ATP2C2: variants seen among roughly 807,000 people sequenced by gnomAD.
ATP2C2 encodes calcium-transporting ATPase type 2C member 2.
Under a neutral mutation model 110.8 loss-of-function variants are expected in ATP2C2, and 171 were observed. The ratio of observed to expected loss-of-function variants is 1.54; its 90% CI spans 1.36 to 1.75. The LOEUF is 1.75. Ranked by LOEUF, ATP2C2 falls within the 40% of genes most tolerant of loss-of-function variation. The pLI, the probability that ATP2C2 is intolerant of heterozygous loss-of-function variation, is 0.00. For missense variants in ATP2C2, 1,963 were observed against 1,235.0 expected (o/e 1.59, Z -8.84); for synonymous variants, 804 against 508.4 (o/e 1.58, Z -7.82).
intron 1 of ATP2C2, among the ~76,000 whole-genome samples, chr16:84,394,024 AAT>A (rs1273941864): frequency 6.6e-6 from 1 of 150,762 alleles, no homozygotes; most frequent in Non-Finnish European, 1.5e-5. Context: ...AAAAATAAAA[AAT>A]AAAAAGGCCT....
chr16:84,460,996 C>G, intron 24 of ATP2C2, 195 bp downstream of exon 24: 1 of 752,224 alleles, frequency 1.3e-6, no homozygotes, highest in East Asian at 2.9e-5. Flanking sequence ...GAAGGGAGGT[C>G]GCCAGGTGTG....
intron 17 of ATP2C2, among the ~76,000 whole-genome samples, chr16:84,449,102 GCTGAA>G (rs67419303): frequency 0.23 from 35,011 of 151,966 alleles, 4,286 homozygotes; most frequent in African/African-American, 0.32. Flanking sequence ...TCCCTGATGG[GCTGAA>G]CTGAACATTA....
intron 21 of ATP2C2, among the ~76,000 whole-genome samples, chr16:84,458,698 ATCCC>A (rs1910935906): frequency 6.6e-6 from 1 of 152,278 alleles, no homozygotes; most frequent in South Asian, 2.1e-4. Context: ...CAGCCTCCCC[ATCCC>A]TCCCTCCTTA....
intron 15 of ATP2C2, among the ~76,000 whole-genome samples, chr16:84,443,208 A>T (rs547787789): frequency 6.6e-6 from 1 of 152,186 alleles, no homozygotes; most frequent in African/African-American, 2.4e-5. Flanking sequence ...AGAAGAGAGG[A>T]CAAAGGACAT....
chr16:84,419,294 C>G (rs907528688), intron 7 of ATP2C2, among the ~76,000 whole-genome samples: 2 of 150,440 alleles, frequency 1.3e-5, no homozygotes, highest in Non-Finnish European at 3.0e-5. Flanking sequence ...GTTTCCTGGC[C>G]TTTCCCAGCT....
At chr16:84,432,695 A>G (rs943922477) in intron 11 of ATP2C2, among the ~76,000 whole-genome samples, 1 of 152,006 alleles carries the variant, frequency 6.6e-6, no homozygotes, top group East Asian at 1.9e-4. Context: ...TAATTTTTGT[A>G]TTTTTAATAG....
chr16:84,426,449 A>C (rs1470486049), intron 11 of ATP2C2, among the ~76,000 whole-genome samples: 1 of 151,596 alleles, frequency 6.6e-6, no homozygotes, highest in African/African-American at 2.4e-5. Flanking sequence ...CTTTCTTGTC[A>C]CTCTTTGCCT....
At chr16:84,441,376 T>A (rs767760053) in intron 14 of ATP2C2, among the ~76,000 whole-genome samples, 1 of 152,200 alleles carries the variant, frequency 6.6e-6, no homozygotes, top group East Asian at 1.9e-4. Context: ...ACGTGCCCGA[T>A]GAATGGTAAA....
Position 84,446,456 on chromosome 16 carries a change from TTC to T in ATP2C2, c.1503+32_1503+33del, listed in dbSNP as rs750252026. 3.2e-5 allele frequency: 49 copies of T among 1,510,836 alleles called. No individual in the cohort carries two copies. The African/African-American group carries it at 6.7e-4, about 21-fold the overall frequency. The allele number at this position is 1,510,836 out of a possible 1,614,324, so 93.6% of individuals were successfully genotyped here. On this transcript the variant is annotated intron_variant, in intron 16 of 26. Transcript: ENST00000262429. ...GTGAGACCTTTCAATCTTCAACCTC[TTC>T]TCTCTTTCTGCCCGGGCCCCCACCC... is the stretch of plus-strand genomic sequence containing the variant.
intron 17 of ATP2C2, among the ~76,000 whole-genome samples, chr16:84,450,489 A>C (rs1330651448): frequency 1.3e-5 from 2 of 152,084 alleles, no homozygotes; most frequent in African/African-American, 4.8e-5. Context: ...CGGAGGCAGG[A>C]GTATCCTCTT....
At chr16:84,433,207 G>A (rs1908432577) in intron 11 of ATP2C2, among the ~76,000 whole-genome samples, 1 of 152,084 alleles carries the variant, frequency 6.6e-6, no homozygotes, top group Admixed American at 6.5e-5. Flanking sequence ...TAGTGAGACT[G>A]TCTGTACAAA....
At chr16:84,454,230 C>T (rs553221154) in intron 20 of ATP2C2, among the ~76,000 whole-genome samples, 1 of 152,232 alleles carries the variant, frequency 6.6e-6, no homozygotes, top group South Asian at 2.1e-4. Context: ...TAAACAAAGC[C>T]AGGCCCATGA....
Position 84,464,000 on chromosome 16 carries a change from T to G in ATP2C2, c.*268T>G, listed in dbSNP as rs919361449. 1.4e-5 allele frequency: 5 copies of G among 352,036 alleles called. No individual in the cohort carries two copies. Among genetic ancestry groups the G allele is most frequent in the Non-Finnish European group, 2.6e-5 (5 of 191,614 alleles). 21.8% of individuals were successfully genotyped at this position (352,036 alleles called of 1,614,324 possible). The stretch of plus-strand genomic sequence containing the variant: ...TTTATTAAATCACAATGATTTTTAT[T>G]AACCATGTCTAACTACGTATCTGTG... On this transcript the variant is annotated 3_prime_UTR_variant, in exon 27 of 27. Coordinates refer to ENST00000262429, the MANE Select transcript of ATP2C2 (RefSeq NM_014861.4).
intron 15 of ATP2C2, among the ~76,000 whole-genome samples, chr16:84,445,131 T>C (rs926928945): frequency 6.6e-6 from 1 of 151,984 alleles, no homozygotes; most frequent in South Asian, 2.1e-4. Context: ...CGCAGACGCA[T>C]CCCTGCCTTG....
At position 84,448,653 on chromosome 16, in the gene ATP2C2, C is replaced by T. The variant is rs199784283; in HGVS notation, c.1624C>T (p.Gln542Ter). The change falls in exon 17 of 27, where the codon CAG (glutamine) becomes TAG (stop). Residue 542 changes from glutamine to a stop codon, truncating the protein, a stop_gained. Transcript: ENST00000262429. LOFTEE classifies it high-confidence loss of function. ...GCCCCAGCAGAGGTCATTCTGCCTG[C>T]AGGAAGAGAAGAGGATGGGGTCGCT... ...LTPQQRSFCL[Q>*]EEKRMGSLGL... The T allele has an allele frequency of 3.7e-6, 6 of 1,613,766 alleles. No individual in the cohort carries two copies. In the African/African-American group the frequency reaches 5.3e-5, roughly 14 times the overall value.
rs768107097 is a variant in ATP2C2, at chr16:84,453,182, G to A, written c.1876G>A (p.Gly626Arg). The A allele has an allele frequency of 8.7e-6, 14 of 1,613,932 alleles. No individual in the cohort carries two copies. Among genetic ancestry groups the A allele is most frequent in the South Asian group, 3.3e-5 (3 of 91,072 alleles). The stretch of plus-strand genomic sequence containing the variant: ...CAACGGGAAGCTGCAAGCCATGTCC[G>A]GGGAGGAGGTGGACAGCGTGGAGAA... Reference protein sequence around the residue: ...LCNGKLQAMSGEEVDSVEKGE... With the variant: ...LCNGKLQAMSREEVDSVEKGE... The change falls in exon 19 of 27, where the codon GGG becomes AGG. Residue 626 changes from glycine (G) to arginine (R), a missense_variant. By Grantham distance (125) the Gly-to-Arg change is moderately radical (BLOSUM62 -2). Coordinates refer to ENST00000262429, the MANE Select transcript of ATP2C2 (RefSeq NM_014861.4).
chr16:84,460,753 G>T lies in ATP2C2; in HGVS notation c.2433G>T (p.Met811Ile), dbSNP rs763256854. The change falls in exon 24 of 27, where the codon ATG (methionine) becomes ATT (isoleucine). Residue 811 changes from methionine to isoleucine, a missense_variant. Physicochemically the swap from Met to Ile is conservative, Grantham distance 10. Coordinates refer to ENST00000262429, the MANE Select transcript of ATP2C2 (RefSeq NM_014861.4). Reference protein sequence around the residue: ...LSRALILKILMSAAIIISGTL... With the variant: ...LSRALILKILISAAIIISGTL... ...GAGCCCTCATCCTGAAGATCCTCATGTCCGCGGCCATCATCATCAGCGGGA... is the reference window on the plus strand; with the variant it reads ...GAGCCCTCATCCTGAAGATCCTCATTTCCGCGGCCATCATCATCAGCGGGA... The T allele has an allele frequency of 6.2e-7, 1 of 1,614,096 alleles. No individual in the cohort carries two copies. The highest frequency in any genetic ancestry group is 1.3e-5 in the African/African-American group (1 of 75,048).
At chr16:84,444,922 C>T (rs574688324) in intron 15 of ATP2C2, among the ~76,000 whole-genome samples, 3 of 152,282 alleles carry the variant, frequency 2.0e-5, no homozygotes, top group East Asian at 3.9e-4. Context: ...CAGTGGTTCC[C>T]GGGCTTTTCT....
At chr16:84,454,524 C>T (rs1230299137) in intron 20 of ATP2C2, among the ~76,000 whole-genome samples, 1 of 151,312 alleles carries the variant, frequency 6.6e-6, no homozygotes, top group South Asian at 2.1e-4. Flanking sequence ...GACTGGATAA[C>T]CTTTATGAGC....
Sources: gnomAD v4.1 joint callset for allele counts (sites outside exome capture counted in the v4.1 genomes callset) on GRCh38, gnomAD v4.1.1 for gene constraint, MANE v1.5 for transcripts, NCBI Gene and HGNC (gene_info 2026-07-23, HGNC 2026-07-21) for gene names.